The following NFATC1 variants were observed in gnomAD, a reference collection of about 807,000 sequenced individuals.
NFATC1 encodes the protein nuclear factor of activated T-cells, cytoplasmic 1.
NFATC1 carries 22 observed loss-of-function variants against 76.0 expected under a neutral mutation model. That is an observed-to-expected ratio of 0.29 (90% CI 0.21 to 0.41). The LOEUF (loss-of-function observed/expected upper bound fraction) is 0.41. NFATC1 is among the 10% of genes least tolerant of loss of function. The pLI is 1.00. For synonymous variants in NFATC1, 704 were observed against 613.1 expected, an observed-to-expected ratio of 1.15 and a Z score of -2.19; for missense variants, 1,357 against 1,337.7, an observed-to-expected ratio of 1.01 and a Z score of -0.23.
chr18:79,451,882 C>T (rs1016472732), intron 6 of NFATC1, 66 bp downstream of exon 6: 35 of 1,545,496 alleles, frequency 2.3e-5, no homozygotes, highest in African/African-American at 1.8e-4. Context: ...GGTTCCCAGT[C>T]GGTGGAGCAG....
intron 6 of NFATC1, among the ~76,000 whole-genome samples, chr18:79,455,196 A>G (rs1325926151): frequency 6.6e-6 from 1 of 152,248 alleles, no homozygotes; most frequent in Non-Finnish European, 1.5e-5. Context: ...TTTTAAAAAC[A>G]TCAGCGAAGC....
chr18:79,409,348 CCATCCAT>C (rs775973304), intron 1 of NFATC1, among the ~76,000 whole-genome samples: 83 of 151,046 alleles, frequency 5.5e-4, no homozygotes, highest in South Asian at 2.9e-3. Flanking sequence ...ATCCATCCAT[CCATCCAT>C]CATCATTCAT....
chr18:79,409,678 C>T (rs2148181702), intron 1 of NFATC1, among the ~76,000 whole-genome samples: 1 of 152,280 alleles, frequency 6.6e-6, no homozygotes, highest in South Asian at 2.1e-4. Context: ...GTTTCTTTAC[C>T]TGTCTATCCA....
intron 9 of NFATC1, among the ~76,000 whole-genome samples, chr18:79,505,549 G>A (rs71359473): frequency 3.4e-5 from 3 of 88,158 alleles, no homozygotes; most frequent in Admixed American, 9.6e-5. Flanking sequence ...CTTGGGTGAG[G>A]GAAGAGGCAG....
At chr18:79,434,187 G>A (rs759566950) in intron 3 of NFATC1, among the ~76,000 whole-genome samples, 11 of 152,206 alleles carry the variant, frequency 7.2e-5, no homozygotes, top group Non-Finnish European at 1.3e-4. Flanking sequence ...GGCTCAAGGT[G>A]CTCCCCGAGG....
At chr18:79,518,939 A>G (rs2090449071) in intron 9 of NFATC1, among the ~76,000 whole-genome samples, 1 of 152,234 alleles carries the variant, frequency 6.6e-6, no homozygotes, top group South Asian at 2.1e-4. Context: ...GATGCTGAAG[A>G]GTCCGCCCAT....
chr18:79,439,686 C>T (rs767544971), intron 3 of NFATC1, among the ~76,000 whole-genome samples: 20 of 152,212 alleles, frequency 1.3e-4, no homozygotes, highest in Non-Finnish European at 2.2e-4. Context: ...GTCTGTTTTC[C>T]CAGGAGCAAG....
intron 8 of NFATC1, among the ~76,000 whole-genome samples, chr18:79,482,413 GGT>G (rs747499505): frequency 1.4e-5 from 2 of 145,144 alleles, no homozygotes; most frequent in Non-Finnish European, 3.0e-5. Flanking sequence ...TGGTTCCTGG[GGT>G]GTCATTCCAG....
rs114749053 is a variant in NFATC1 at position 79,448,368 on chromosome 18, G to A, written c.1387-414G>A. The stretch of plus-strand genomic sequence containing the variant: ...CCCTGATCAGGAGTGGGAGCTGCGC[G>A]CTGCCCGGTTCCAGGTTAATGGAAC... On this transcript the variant is annotated intron_variant, in intron 3 of 9. Transcript: ENST00000427363. The A allele has an allele frequency of 9.6e-3, 2,162 of 226,056 alleles. 54 individuals are homozygous for A. Among genetic ancestry groups the A allele is most frequent in the African/African-American group, 0.047 (2,038 of 43,782 alleles). 14.0% of individuals were successfully genotyped at this position (226,056 alleles called of 1,614,324 possible). A position where few individuals can be genotyped will look rare whatever the true frequency, so the allele number is the denominator to read the frequency against.
intron 3 of NFATC1, among the ~76,000 whole-genome samples, chr18:79,445,929 C>T (rs1465460863): frequency 6.6e-6 from 1 of 152,176 alleles, no homozygotes; most frequent in Admixed American, 6.5e-5. Context: ...ACCATGTCAC[C>T]GTGTAAGTGC....
chr18:79,458,557 A>C (rs1330372836), intron 6 of NFATC1, among the ~76,000 whole-genome samples: 2 of 152,228 alleles, frequency 1.3e-5, no homozygotes, highest in East Asian at 1.9e-4. Flanking sequence ...CGGGTGTGGC[A>C]GGGAAGCCTC....
chr18:79,410,678 T>C lies in NFATC1; in HGVS notation c.403T>C (p.Phe135Leu). The part of the protein sequence containing the change: ...CLGLYHNNNQ[F>L]FHDVEVEDVL... ...GGGCCTGTACCACAACAATAACCAG[T>C]TTTTCCACGATGTGGAGGTGGAAGA... The change falls in exon 2 of 10, where the codon TTT becomes CTT. Residue 135 changes from phenylalanine to leucine, a missense_variant. Physicochemically the swap from Phe to Leu is conservative, Grantham distance 22 (BLOSUM62 0). Transcript: ENST00000427363. The surrounding 1 kb of genome is among the most constrained non-coding windows in gnomAD (Gnocchi z 6.7). 6.2e-7 allele frequency: 1 copy of C among 1,612,718 alleles called. No individual in the cohort carries two copies. Among genetic ancestry groups the C allele is most frequent in the Non-Finnish European group, 8.5e-7 (1 of 1,179,898 alleles).
chr18:79,440,802 G>A (rs1043631793), intron 3 of NFATC1, among the ~76,000 whole-genome samples: 2 of 152,264 alleles, frequency 1.3e-5, no homozygotes, highest in Non-Finnish European at 2.9e-5. Flanking sequence ...AACGAGATGT[G>A]GTTTCAGAGA....
chr18:79,474,184 TAAACC>T (rs2088928253), intron 8 of NFATC1, among the ~76,000 whole-genome samples: 31 of 102,294 alleles, frequency 3.0e-4, no homozygotes, highest in African/African-American at 8.2e-4. Flanking sequence ...GCTGTCGACG[TAAACC>T]TGAGGGAAGC....
At chr18:79,413,429 G>A (rs958385954) in intron 2 of NFATC1, among the ~76,000 whole-genome samples, 2 of 152,194 alleles carry the variant, frequency 1.3e-5, no homozygotes, top group African/African-American at 2.4e-5. Flanking sequence ...TGTCTCCCTG[G>A]CTTGGAGGCG....
In NFATC1 at chr18:79,473,366, G is replaced by C. The variant is rs144148341; in HGVS notation, c.2092+5784G>C. On this transcript the variant is annotated intron_variant, in intron 8 of 9. Transcript: ENST00000427363. ...TTCAGACGGCAAGTGAGAGAAGCGT[G>C]TTCTCACGCTTACTGTCAACGTTGC... is the stretch of plus-strand genomic sequence containing the variant. Among the ~76,000 whole-genome samples the C allele has an allele frequency of 2.3e-3, 356 of 152,398 alleles. 1 individual carries two copies. The highest frequency in any genetic ancestry group is 8.2e-3 in the African/African-American group (341 of 41,598).
chr18:79,469,338 A>G, intron 8 of NFATC1: 1 of 985,438 alleles, frequency 1.0e-6, no homozygotes. Flanking sequence ...GGCAGTCCCC[A>G]CCGTGGGTTT....
intron 8 of NFATC1, among the ~76,000 whole-genome samples, chr18:79,479,386 G>A (rs143525136): frequency 1.3e-5 from 2 of 152,134 alleles, no homozygotes; most frequent in African/African-American, 2.4e-5. Flanking sequence ...CCCCCTCCAC[G>A]GGTGAGACTC....
intron 8 of NFATC1, 166 bp downstream of exon 8, chr18:79,467,748 A>G (rs944518687): frequency 9.5e-7 from 1 of 1,049,228 alleles, no homozygotes; most frequent in Non-Finnish European, 1.1e-6. Flanking sequence ...AAGGAAAGGA[A>G]AAGGGAAGCT....
Sources: gnomAD v4.1 joint callset for allele counts (sites outside exome capture counted in the v4.1 genomes callset) on GRCh38, gnomAD v4.1.1 for gene constraint, Gnocchi (gnomAD v3.1) non-coding constraint, MANE v1.5 for transcripts, NCBI Gene and HGNC (gene_info 2026-07-23, HGNC 2026-07-21) for gene names.